The following NCAM2 variants were observed in gnomAD, a reference collection of about 807,000 sequenced individuals.
NCAM2 encodes N-CAM-2.
Under a neutral mutation model 98.1 loss-of-function variants are expected in NCAM2, and 30 were observed. The observed-to-expected ratio is 0.31, with a 90% CI of 0.23 to 0.41. The LOEUF is 0.41. Among genes scored for constraint, NCAM2 ranks in the 10% least tolerant of loss-of-function variants. The probability of loss-of-function intolerance (pLI) is 1.00; values close to 1 mark genes in which losing one functional copy is unlikely to be tolerated. For synonymous variants in NCAM2, 368 were observed against 342.4 expected (o/e 1.07, Z -0.83); for missense variants, 867 against 1,005.8 (o/e 0.86, Z 1.87).
chr21:21,164,703 C>A (rs1449683404), intron 1 of NCAM2, among the ~76,000 whole-genome samples: 1 of 152,102 alleles, frequency 6.6e-6, no homozygotes, highest in Non-Finnish European at 1.5e-5. Flanking sequence ...ATTGCAACTT[C>A]CATGCTTGTT....
intron 10 of NCAM2, among the ~76,000 whole-genome samples, chr21:21,410,731 G>C (rs981907292): frequency 2.0e-5 from 3 of 151,240 alleles, no homozygotes; most frequent in African/African-American, 2.4e-5. Flanking sequence ...TTATATGGCC[G>C]GGCGCAGTGG....
intron 5 of NCAM2, among the ~76,000 whole-genome samples, chr21:21,294,412 T>C (rs1013408052): frequency 1.3e-5 from 2 of 151,898 alleles, no homozygotes; most frequent in African/African-American, 4.8e-5. Context: ...TGATCAATCA[T>C]GCAAATAATT....
chr21:21,344,870 C>A (rs115503719), intron 8 of NCAM2, among the ~76,000 whole-genome samples: 2,630 of 152,270 alleles, frequency 0.017, 76 homozygotes, highest in African/African-American at 0.06. Context: ...CACAGCCATA[C>A]TGCTGATGGC....
At chr21:21,103,763 G>C (rs1222755831) in intron 1 of NCAM2, among the ~76,000 whole-genome samples, 1 of 152,044 alleles carries the variant, frequency 6.6e-6, no homozygotes, top group East Asian at 1.9e-4. Flanking sequence ...TGCACTTGCT[G>C]TCATGAAACA....
intron 1 of NCAM2, among the ~76,000 whole-genome samples, chr21:21,037,481 G>A (rs1017772861): frequency 3.3e-5 from 5 of 152,162 alleles, no homozygotes; most frequent in South Asian, 4.1e-4. Flanking sequence ...AAATGAGAGA[G>A]ATTAAATGAT....
rs764097299 is a variant in NCAM2 at position 21,508,808 on chromosome 21, C to CTTTTTTTTTTTTTTT, written c.2078-25_2078-11dup. Reference sequence around the variant, plus strand: ...ATTTAGAGGTTTAATACTTTTTTTCCTTTTTTTTTTTTTTTTTTTTTTTTT... The same window carrying CTTTTTTTTTTTTTTT: ...ATTTAGAGGTTTAATACTTTTTTTCCTTTTTTTTTTTTTTTTTTTTTTTTTTTTTTTTTTTTTTTT... On this transcript the variant is annotated intron_variant, in intron 15 of 17. Coordinates refer to ENST00000400546, the MANE Select transcript of NCAM2 (RefSeq NM_004540.5). 49 of 413,288 alleles carry CTTTTTTTTTTTTTTT rather than the reference C, an allele frequency of 1.2e-4. 11 individuals are homozygous for CTTTTTTTTTTTTTTT. The highest frequency in any genetic ancestry group is 2.0e-4 in the African/African-American group (6 of 29,382). 25.6% of individuals were successfully genotyped at this position (413,288 alleles called of 1,614,324 possible).
rs190414024 is a variant in NCAM2, at chr21:21,410,207, A to T, written c.1196-67A>T. On this transcript the variant is annotated intron_variant, in intron 9 of 17. Coordinates refer to ENST00000400546, the MANE Select transcript of NCAM2 (RefSeq NM_004540.5). ...TATACAGTAGAAATAACTAATGCTT[A>T]TACTACTTAAATGATTATTTAACTT... 1.7e-5 allele frequency: 14 copies of T among 829,876 alleles called. No individual in the cohort carries two copies. In the East Asian group the frequency reaches 4.5e-4, roughly 26 times the overall value. 51.4% of individuals were successfully genotyped at this position (829,876 alleles called of 1,614,324 possible).
chr21:21,059,323 G>T (rs1459881805), intron 1 of NCAM2, among the ~76,000 whole-genome samples: 2 of 152,040 alleles, frequency 1.3e-5, no homozygotes, highest in Non-Finnish European at 2.9e-5. Context: ...TCAGAGACTT[G>T]GGGACATTGA....
intron 9 of NCAM2, among the ~76,000 whole-genome samples, chr21:21,376,352 C>A (rs1005135580): frequency 6.6e-6 from 1 of 151,690 alleles, no homozygotes; most frequent in African/African-American, 2.4e-5. Context: ...CATACTAGGT[C>A]CACCTTAAGC....
At chr21:21,380,160 A>C (rs2076121990) in intron 9 of NCAM2, among the ~76,000 whole-genome samples, 1 of 152,160 alleles carries the variant, frequency 6.6e-6, no homozygotes, top group Non-Finnish European at 1.5e-5. Context: ...ACCCAAGAGC[A>C]ATACTTTGCA....
chr21:21,460,427 A>G (rs1234191264), intron 12 of NCAM2, among the ~76,000 whole-genome samples: 2 of 151,922 alleles, frequency 1.3e-5, no homozygotes, highest in African/African-American at 2.4e-5. Flanking sequence ...CTGGTATTAA[A>G]TGAAATAGGA....
chr21:21,003,271 G>T (rs1392895871), intron 1 of NCAM2, among the ~76,000 whole-genome samples: 2 of 151,986 alleles, frequency 1.3e-5, no homozygotes, highest in Non-Finnish European at 2.9e-5. Flanking sequence ...AGATAATGGG[G>T]AATTTTGAGA....
intron 1 of NCAM2, among the ~76,000 whole-genome samples, chr21:21,182,573 A>G (rs979465263): frequency 6.6e-6 from 1 of 152,268 alleles, no homozygotes; most frequent in South Asian, 2.1e-4. Flanking sequence ...TAACATCTAT[A>G]AATTTTGTCA....
At chr21:21,370,887 T>G (rs150754547) in intron 8 of NCAM2, among the ~76,000 whole-genome samples, 61 of 152,084 alleles carry the variant, frequency 4.0e-4, no homozygotes, top group African/African-American at 1.4e-3. Flanking sequence ...ATGTATGTAT[T>G]GCCTTTTATA....
chr21:21,526,160 G>C (rs888326760), intron 16 of NCAM2, among the ~76,000 whole-genome samples: 1 of 151,914 alleles, frequency 6.6e-6, no homozygotes, highest in Non-Finnish European at 1.5e-5. Context: ...GAAATAAAAG[G>C]CATATTGATT....
intron 1 of NCAM2, among the ~76,000 whole-genome samples, chr21:21,265,434 T>C (rs2072212332): frequency 2.6e-5 from 1 of 38,500 alleles, no homozygotes; most frequent in Non-Finnish European, 4.3e-5. Context: ...TGTGTGTATA[T>C]ATATTATATA....
At chr21:21,308,651 C>G (rs1241130623) in intron 5 of NCAM2, among the ~76,000 whole-genome samples, 2 of 152,072 alleles carry the variant, frequency 1.3e-5, no homozygotes, top group African/African-American at 4.8e-5. Flanking sequence ...CTTGATTGAT[C>G]ATTTTTAACA....
intron 1 of NCAM2, among the ~76,000 whole-genome samples, chr21:21,037,886 T>G (rs1028534949): frequency 2.0e-5 from 3 of 152,314 alleles, no homozygotes; most frequent in African/African-American, 7.2e-5. Flanking sequence ...TTGATAGTGT[T>G]GAAGCAGAAC....
intron 10 of NCAM2, among the ~76,000 whole-genome samples, chr21:21,411,046 ATG>A (rs376274913): frequency 1.4e-4 from 7 of 48,748 alleles, no homozygotes; most frequent in Admixed American, 2.9e-4. Context: ...ACATATATAT[ATG>A]TGTGTGTATA....
Sources: gnomAD v4.1 joint callset for allele counts (sites outside exome capture counted in the v4.1 genomes callset) on GRCh38, gnomAD v4.1.1 for gene constraint, MANE v1.5 for transcripts, NCBI Gene and HGNC (gene_info 2026-07-23, HGNC 2026-07-21) for gene names.